CCSER1: variants seen among roughly 807,000 people sequenced by gnomAD.
CCSER1 encodes serine-rich coiled-coil domain-containing protein 1.
CCSER1 carries 41 observed loss-of-function variants against 82.0 expected under a neutral mutation model. That is an observed-to-expected ratio of 0.50 (90% CI 0.39 to 0.65). The LOEUF (loss-of-function observed/expected upper bound fraction) is 0.65, where lower values mean the gene tolerates loss of function less well. Among genes scored for constraint, CCSER1 ranks in the 30% least tolerant of loss-of-function variants. The pLI is 0.00. For synonymous variants in CCSER1, 414 were observed against 383.9 expected (o/e 1.08, Z -0.92); for missense variants, 1,119 against 1,064.2 (o/e 1.05, Z -0.72).
intron 5 of CCSER1, among the ~76,000 whole-genome samples, chr4:90,468,970 T>C (rs1253548186): frequency 1.3e-5 from 2 of 152,068 alleles, no homozygotes; most frequent in East Asian, 3.9e-4. Context: ...AAATATTAAA[T>C]AAATGGGGAT....
intron 10 of CCSER1, among the ~76,000 whole-genome samples, chr4:91,156,644 A>G (rs560486898): frequency 6.6e-6 from 1 of 151,982 alleles, no homozygotes; most frequent in East Asian, 1.9e-4. Flanking sequence ...TCCAACTGAG[A>G]TGACTAACCA....
intron 4 of CCSER1, among the ~76,000 whole-genome samples, chr4:90,401,898 C>A (rs1170309436): frequency 6.6e-6 from 1 of 152,170 alleles, no homozygotes; most frequent in Non-Finnish European, 1.5e-5. Context: ...AATACCAAAA[C>A]CAAACCCACT....
chr4:91,317,169 T>C (rs952129592), intron 10 of CCSER1, among the ~76,000 whole-genome samples: 31 of 151,984 alleles, frequency 2.0e-4, no homozygotes, highest in African/African-American at 6.3e-4. Context: ...TAATTATTAT[T>C]TGACAAACAA....
intron 10 of CCSER1, among the ~76,000 whole-genome samples, chr4:91,580,807 C>T (rs1182183167): frequency 6.6e-6 from 1 of 151,624 alleles, no homozygotes; most frequent in Non-Finnish European, 1.5e-5. Context: ...ATGTCCTTGC[C>T]ATTACAGATG....
intron 7 of CCSER1, among the ~76,000 whole-genome samples, chr4:90,759,258 A>G (rs1750059186): frequency 6.6e-6 from 1 of 152,220 alleles, no homozygotes; most frequent in Non-Finnish European, 1.5e-5. Context: ...ATAGACTGTA[A>G]TTAATCTGAA....
chr4:90,820,153 A>T (rs1198491290), intron 8 of CCSER1, among the ~76,000 whole-genome samples: 1 of 152,164 alleles, frequency 6.6e-6, no homozygotes, highest in Non-Finnish European at 1.5e-5. Flanking sequence ...ATATGGTGAT[A>T]TGGAAAATTG....
chr4:90,728,582 T>C (rs898141784), intron 7 of CCSER1, among the ~76,000 whole-genome samples: 1 of 152,054 alleles, frequency 6.6e-6, no homozygotes, highest in Non-Finnish European at 1.5e-5. Flanking sequence ...CCCCTCTAAT[T>C]CCAGCACTTT....
intron 8 of CCSER1, among the ~76,000 whole-genome samples, chr4:90,831,620 G>C (rs1334761773): frequency 6.6e-6 from 1 of 152,128 alleles, no homozygotes. Context: ...TTGAACTTAA[G>C]GTTGGATGAA....
intron 10 of CCSER1, among the ~76,000 whole-genome samples, chr4:91,459,882 C>T (rs1422641684): frequency 1.3e-5 from 2 of 152,024 alleles, no homozygotes; most frequent in Non-Finnish European, 2.9e-5. Flanking sequence ...AATATAATAA[C>T]TTTCCTATGA....
chr4:90,420,723 T>C, intron 4 of CCSER1, among the ~76,000 whole-genome samples: 1 of 152,050 alleles, frequency 6.6e-6, no homozygotes, highest in East Asian at 1.9e-4. Context: ...TAACAACAAT[T>C]TTAATGAAGT....
At position 91,522,144 on chromosome 4, in the gene CCSER1, A is replaced by C. The variant is rs141696536; in HGVS notation, c.2218-76428A>C. ...ACCATTTATTATAGGGAATCCTTTC[A>C]CCATTTCTTGTTTTTGACATGTTTG... On this transcript the variant is annotated intron_variant, in intron 10 of 10. Transcript: ENST00000509176. Among the ~76,000 whole-genome samples the C allele has an allele frequency of 3.2e-4, 49 of 152,164 alleles. No homozygotes were observed. The East Asian group carries it at 9.3e-3, about 29-fold the overall frequency.
intron 8 of CCSER1, among the ~76,000 whole-genome samples, chr4:90,863,014 G>A (rs1765286911): frequency 6.9e-6 from 1 of 145,574 alleles, no homozygotes; most frequent in Non-Finnish European, 1.5e-5. Flanking sequence ...ATGTATACAT[G>A]TGCCATGCTG....
rs187108302 is a variant in CCSER1, at chr4:91,440,675, C to A, written c.2218-157897C>A. Among the ~76,000 whole-genome samples, 935 of 152,216 alleles carry A rather than the reference C, an allele frequency of 6.1e-3. 10 individuals carry two copies. Among genetic ancestry groups the A allele is most frequent in the African/African-American group, 0.015 (642 of 41,542 alleles). On this transcript the variant is annotated intron_variant, in intron 10 of 10. Transcript: ENST00000509176. Reference sequence around the variant, plus strand: ...AAAACCCTTCAAAAAATTAATGAATCCAGGAGCTGTTTTTTTGAAAGGATC... The same window carrying A: ...AAAACCCTTCAAAAAATTAATGAATACAGGAGCTGTTTTTTTGAAAGGATC...
chr4:91,211,298 A>G (rs1736803806), intron 10 of CCSER1, among the ~76,000 whole-genome samples: 1 of 152,056 alleles, frequency 6.6e-6, no homozygotes, highest in South Asian at 2.1e-4. Flanking sequence ...ATATTTTGAA[A>G]TGATAACCCA....
At chr4:91,113,594 A>G (rs1726272632) in intron 10 of CCSER1, among the ~76,000 whole-genome samples, 1 of 152,206 alleles carries the variant, frequency 6.6e-6, no homozygotes, top group Non-Finnish European at 1.5e-5. Flanking sequence ...TCCGTATGAT[A>G]AATAGCATAT....
chr4:90,334,290 G>A (rs1019491353), intron 3 of CCSER1, among the ~76,000 whole-genome samples: 1 of 152,102 alleles, frequency 6.6e-6, no homozygotes, highest in Non-Finnish European at 1.5e-5. Context: ...GTTTGGGTAG[G>A]AAGTCAGGAG....
chr4:90,243,081 T>A (rs79980701), intron 1 of CCSER1, among the ~76,000 whole-genome samples: 346 of 143,372 alleles, frequency 2.4e-3, no homozygotes, highest in South Asian at 9.7e-3. Flanking sequence ...TTTTTTTTTT[T>A]AAAATAGGAT....
At chr4:90,284,402 C>A (rs1343849671) in intron 1 of CCSER1, among the ~76,000 whole-genome samples, 2 of 151,860 alleles carry the variant, frequency 1.3e-5, no homozygotes, top group Non-Finnish European at 2.9e-5. Flanking sequence ...AATATTTGCC[C>A]AGACACATGT....
intron 1 of CCSER1, among the ~76,000 whole-genome samples, chr4:90,209,736 A>C (rs1034804080): frequency 4.7e-5 from 7 of 148,756 alleles, no homozygotes. Context: ...AATTTCTCTG[A>C]GTGACCAAGC....
Sources: gnomAD v4.1 joint callset for allele counts (sites outside exome capture counted in the v4.1 genomes callset) on GRCh38, gnomAD v4.1.1 for gene constraint, MANE v1.5 for transcripts, NCBI Gene and HGNC (gene_info 2026-07-23, HGNC 2026-07-21) for gene names.